Variants in GNAQ observed in about 807,000 individuals in gnomAD.
The protein encoded by GNAQ is G protein subunit alpha q.
A neutral mutation model predicts 43.9 loss-of-function variants in GNAQ; 8 were observed. The ratio of observed to expected loss-of-function variants is 0.18; its 90% CI spans 0.11 to 0.33. The LOEUF (loss-of-function observed/expected upper bound fraction) is 0.33, where lower values mean the gene tolerates loss of function less well. GNAQ is among the 10% of genes least tolerant of loss of function. The pLI is 1.00. For synonymous variants in GNAQ, 155 were observed against 170.7 expected, an observed-to-expected ratio of 0.91 and a Z score of 0.71; for missense variants, 158 against 450.8, an observed-to-expected ratio of 0.35 and a Z score of 5.88.
chr9:77,782,259 G>T (rs141572270), intron 5 of GNAQ, among the ~76,000 whole-genome samples: 1 of 151,738 alleles, frequency 6.6e-6, no homozygotes, highest in Non-Finnish European at 1.5e-5. Context: ...AACATACAAA[G>T]AACTTTTAAA....
intron 5 of GNAQ, among the ~76,000 whole-genome samples, chr9:77,748,129 T>TAACA (rs1825758206): frequency 2.0e-5 from 3 of 152,214 alleles, no homozygotes; most frequent in South Asian, 4.1e-4. Context: ...CTCCTCTATC[T>TAACA]AACATTTTCA....
intron 1 of GNAQ, among the ~76,000 whole-genome samples, chr9:77,949,310 T>C (rs1041401519): frequency 6.6e-6 from 1 of 151,990 alleles, no homozygotes; most frequent in African/African-American, 2.4e-5. Context: ...GGGGCAGAAA[T>C]GAATGTGGTG....
chr9:77,776,751 T>C (rs373939054), intron 5 of GNAQ, among the ~76,000 whole-genome samples: 3 of 152,048 alleles, frequency 2.0e-5, no homozygotes, highest in South Asian at 2.1e-4. Flanking sequence ...CATATATCAA[T>C]AGAACATGCT....
chr9:77,895,652 G>C (rs1828488097), intron 2 of GNAQ, among the ~76,000 whole-genome samples: 1 of 152,122 alleles, frequency 6.6e-6, no homozygotes, highest in Admixed American at 6.6e-5. Context: ...ACTGGAAAAT[G>C]GCAAACAGAA....
intron 1 of GNAQ, among the ~76,000 whole-genome samples, chr9:78,016,465 C>A (rs1449300289): frequency 6.6e-6 from 1 of 152,166 alleles, no homozygotes; most frequent in Admixed American, 6.5e-5. Flanking sequence ...GTGGGCGGAT[C>A]ACGAGGCCAG....
intron 1 of GNAQ, among the ~76,000 whole-genome samples, chr9:77,968,004 C>CA (rs1190378888): frequency 2.6e-5 from 4 of 151,998 alleles, no homozygotes; most frequent in Admixed American, 2.6e-4. Context: ...TAAACAACAA[C>CA]AAAAAAACAT....
intron 1 of GNAQ, among the ~76,000 whole-genome samples, chr9:77,997,136 G>C (rs909253994): frequency 1.3e-5 from 2 of 152,180 alleles, no homozygotes. Context: ...ACCCAGGCTA[G>C]GTGATGCGCA....
intron 3 of GNAQ, among the ~76,000 whole-genome samples, chr9:77,813,388 C>G (rs1826958825): frequency 6.6e-6 from 1 of 152,140 alleles, no homozygotes; most frequent in Non-Finnish European, 1.5e-5. Context: ...CAGACTAAGC[C>G]TGCACTGACA....
chr9:78,028,808 A>G (rs574574433), intron 1 of GNAQ, among the ~76,000 whole-genome samples: 2 of 152,300 alleles, frequency 1.3e-5, no homozygotes, highest in East Asian at 3.9e-4. Flanking sequence ...ACCGTCCTGG[A>G]TTCAAAAACT....
intron 2 of GNAQ, among the ~76,000 whole-genome samples, chr9:77,838,098 C>A (rs768728323): frequency 6.7e-6 from 1 of 150,182 alleles, no homozygotes; most frequent in Non-Finnish European, 1.5e-5. Flanking sequence ...GATCCACCAA[C>A]CTCGGCCTTG....
chr9:77,813,587 G>A (rs1014387598), intron 3 of GNAQ, among the ~76,000 whole-genome samples: 1 of 152,178 alleles, frequency 6.6e-6, no homozygotes, highest in Non-Finnish European at 1.5e-5. Flanking sequence ...ATGAAGTCTT[G>A]TCTCAAGAAC....
At chr9:77,859,518 A>C (rs1437896028) in intron 2 of GNAQ, among the ~76,000 whole-genome samples, 1 of 152,214 alleles carries the variant, frequency 6.6e-6, no homozygotes, top group Non-Finnish European at 1.5e-5. Flanking sequence ...TTTAAAAAGA[A>C]TTATCTCCAT....
At chr9:77,822,631 A>C (rs1827135057) in intron 2 of GNAQ, among the ~76,000 whole-genome samples, 1 of 151,816 alleles carries the variant, frequency 6.6e-6, no homozygotes, top group South Asian at 2.1e-4. Flanking sequence ...GATTAAAAAA[A>C]AAAAAAAAAG....
intron 5 of GNAQ, among the ~76,000 whole-genome samples, chr9:77,785,115 TTTGCTG>T (rs1406582912): frequency 1.3e-5 from 2 of 152,218 alleles, no homozygotes; most frequent in African/African-American, 4.8e-5. Flanking sequence ...CAAGAGGGTC[TTTGCTG>T]TAAGGATCTT....
intron 1 of GNAQ, among the ~76,000 whole-genome samples, chr9:77,996,482 A>G (rs1823568927): frequency 6.6e-6 from 1 of 152,118 alleles, no homozygotes; most frequent in South Asian, 2.1e-4. Context: ...ATTCGAGACC[A>G]GCCTGATCAA....
chr9:78,026,198 A>G (rs1823977771), intron 1 of GNAQ, among the ~76,000 whole-genome samples: 1 of 152,204 alleles, frequency 6.6e-6, no homozygotes, highest in Non-Finnish European at 1.5e-5. Context: ...TTCACTGTTC[A>G]GCAGGGTTTT....
At chr9:77,845,782 C>T (rs1827574358) in intron 2 of GNAQ, among the ~76,000 whole-genome samples, 2 of 152,294 alleles carry the variant, frequency 1.3e-5, no homozygotes, top group Middle Eastern at 3.4e-3. Flanking sequence ...CATCACTCGG[C>T]TTGAAGAAAG....
At chr9:77,975,787 C>T (rs1823294256) in intron 1 of GNAQ, among the ~76,000 whole-genome samples, 1 of 152,158 alleles carries the variant, frequency 6.6e-6, no homozygotes, top group Non-Finnish European at 1.5e-5. Flanking sequence ...CCACCCGCCT[C>T]AGCCTCCCAA....
chr9:77,966,605 C>T (rs1465768233), intron 1 of GNAQ, among the ~76,000 whole-genome samples: 1 of 152,098 alleles, frequency 6.6e-6, no homozygotes, highest in African/African-American at 2.4e-5. Context: ...GCCAAAACTT[C>T]ACCCAGGGGA....
Sources: gnomAD v4.1 joint callset for allele counts (sites outside exome capture counted in the v4.1 genomes callset) on GRCh38, gnomAD v4.1.1 for gene constraint, MANE v1.5 for transcripts, NCBI Gene and HGNC (gene_info 2026-07-23, HGNC 2026-07-21) for gene names.